Variants in TTC7A observed in about 807,000 individuals in gnomAD.
The protein encoded by TTC7A is tetratricopeptide repeat protein 7A.
TTC7A carries 110 observed loss-of-function variants against 103.7 expected under a neutral mutation model. The observed-to-expected ratio is 1.06, with a 90% CI of 0.91 to 1.24. The LOEUF (loss-of-function observed/expected upper bound fraction) is 1.24. Ranked by LOEUF, TTC7A falls within the 50% of genes most tolerant of loss-of-function variation. The pLI is 0.00. For missense variants in TTC7A, 1,340 were observed against 1,116.3 expected, an observed-to-expected ratio of 1.20 and a Z score of -2.86; for synonymous variants, 521 against 467.9, an observed-to-expected ratio of 1.11 and a Z score of -1.47.
chr2:47,031,530 C>G (rs1344245513), intron 15 of TTC7A, among the ~76,000 whole-genome samples: 1 of 152,190 alleles, frequency 6.6e-6, no homozygotes, highest in African/African-American at 2.4e-5. Context: ...GGAAAGGGCT[C>G]TTTGTCCACC....
chr2:46,953,377 ACTCCTGGGATCAAGCAGTCCTGTCAC>A (rs1423468047), intron 2 of TTC7A, among the ~76,000 whole-genome samples: 1 of 151,808 alleles, frequency 6.6e-6, no homozygotes, highest in Admixed American at 6.6e-5. Flanking sequence ...CTGGTCTTAA[ACTCCTGGGATCAAGCAGTCCTGTCAC>A]CTGTGCCTCC....
At chr2:46,916,154 C>A (rs566906542), upstream of TTC7A, 6 of 985,536 alleles carry the variant, frequency 6.1e-6, no homozygotes, top group African/African-American at 8.7e-5. Context: ...CTCCGCTCAC[C>A]CCCTCCTATA....
chr2:46,935,035 G>A (rs777589231), intron 2 of TTC7A, among the ~76,000 whole-genome samples: 24 of 151,836 alleles, frequency 1.6e-4, no homozygotes, highest in Admixed American at 6.6e-5. Context: ...TCTTGACCTC[G>A]TGATCCACCC....
intron 2 of TTC7A, among the ~76,000 whole-genome samples, chr2:46,925,711 T>C (rs1007987823): frequency 6.6e-6 from 1 of 152,228 alleles, no homozygotes; most frequent in Non-Finnish European, 1.5e-5. Context: ...TGTTTATTTT[T>C]CATTTTTCCC....
At chr2:47,054,100 A>C in intron 18 of TTC7A, 3 of 985,342 alleles carry the variant, frequency 3.0e-6, no homozygotes, top group Non-Finnish European at 3.6e-6. Flanking sequence ...TATTCACTCC[A>C]CAGAAGAGAA....
At chr2:47,068,862 C>CAAAA (rs201835431) in intron 19 of TTC7A, among the ~76,000 whole-genome samples, 145 of 69,528 alleles carry the variant, frequency 2.1e-3, no homozygotes, top group Non-Finnish European at 3.0e-3. Flanking sequence ...TCAATTTTTT[C>CAAAA]AAAAAAAAAA....
intron 11 of TTC7A, among the ~76,000 whole-genome samples, chr2:47,014,726 C>G (rs564465245): frequency 3.0e-4 from 46 of 152,372 alleles, no homozygotes; most frequent in African/African-American, 1.0e-3. Flanking sequence ...GCAGGCCCAG[C>G]CAAGCCCCAT....
At chr2:46,964,322 T>A (rs546880264) in intron 3 of TTC7A, among the ~76,000 whole-genome samples, 8 of 152,080 alleles carry the variant, frequency 5.3e-5, no homozygotes, top group Non-Finnish European at 1.0e-4. Context: ...GGAGGTGCAG[T>A]GTAATCATAC....
chr2:47,022,573 G>T (rs13430717), intron 12 of TTC7A, among the ~76,000 whole-genome samples: 1 of 152,036 alleles, frequency 6.6e-6, no homozygotes. Flanking sequence ...CACCTACTTT[G>T]ATCTTGTAGC....
Position 47,046,272 on chromosome 2 carries a change from G to T in TTC7A, c.1803-43G>T, listed in dbSNP as rs200386745. 18 of 1,509,768 alleles carry T rather than the reference G, an allele frequency of 1.2e-5. No individual in the cohort carries two copies. In the East Asian group the frequency reaches 3.8e-4, roughly 32 times the overall value. 93.5% of individuals were successfully genotyped at this position (1,509,768 alleles called of 1,614,324 possible). The stretch of plus-strand genomic sequence containing the variant: ...GGGCAGGATCCCCAGGTGAAAGTGG[G>T]CCCTTGCTGGGGTGTGCTGATGGCC... On this transcript the variant is annotated intron_variant, in intron 15 of 19. Transcript: ENST00000319190.
upstream of TTC7A, among the ~76,000 whole-genome samples, chr2:46,938,777 G>A (rs1670103451): frequency 2.0e-5 from 3 of 152,274 alleles, no homozygotes; most frequent in South Asian, 6.2e-4. Flanking sequence ...ACTTTGGGAG[G>A]CCAAGGCGGG....
upstream of TTC7A, among the ~76,000 whole-genome samples, chr2:46,939,683 C>T (rs13430346): frequency 0.058 from 8,880 of 152,210 alleles, 319 homozygotes; most frequent in African/African-American, 0.093. Flanking sequence ...ACTCCCTGCC[C>T]CAGGGCTGAC....
intron 19 of TTC7A, among the ~76,000 whole-genome samples, chr2:47,062,218 G>C (rs1430751997): frequency 6.6e-6 from 1 of 152,194 alleles, no homozygotes; most frequent in Non-Finnish European, 1.5e-5. Context: ...ACGTCATGGG[G>C]AGGAGCCAGA....
intron 5 of TTC7A, among the ~76,000 whole-genome samples, chr2:46,990,763 A>G (rs1317305628): frequency 6.6e-6 from 1 of 152,152 alleles, no homozygotes; most frequent in East Asian, 1.9e-4. Flanking sequence ...ACTGTGTCAG[A>G]TTGTCCCTTC....
chr2:47,034,944 C>A (rs369389507), intron 15 of TTC7A, among the ~76,000 whole-genome samples: 1 of 152,210 alleles, frequency 6.6e-6, no homozygotes, highest in African/African-American at 2.4e-5. Context: ...GCCTTCTGCC[C>A]CAGGAAACCT....
chr2:46,941,229 A>AGCAGCTGCAGCGGCGGCGGCGGCG lies in TTC7A; in HGVS notation c.-307_-284dup, dbSNP rs1444327228. On this transcript the variant is annotated 5_prime_UTR_variant, in exon 1 of 20. Transcript: ENST00000319190. This position sits in a 1 kb window ranked among gnomAD's most constrained non-coding sequence, Gnocchi z 4.2. Reference sequence around the variant, plus strand: ...CGGGGCCCGGGGCGGAGGCTGTGGCAGCAGCTGCAGCGGCGGCGGCGGCGG... The same window carrying AGCAGCTGCAGCGGCGGCGGCGGCG: ...CGGGGCCCGGGGCGGAGGCTGTGGCAGCAGCTGCAGCGGCGGCGGCGGCGGCAGCTGCAGCGGCGGCGGCGGCGG... 4 of 148,912 alleles carry AGCAGCTGCAGCGGCGGCGGCGGCG rather than the reference A, an allele frequency of 2.7e-5. No individual in the cohort carries two copies. The highest frequency in any genetic ancestry group is 4.4e-5 in the Non-Finnish European group (3 of 67,490). The allele number at this position is 148,912 out of a possible 1,614,324, so 9.2% of individuals were successfully genotyped here. A position where few individuals can be genotyped will look rare whatever the true frequency, so the allele number is the denominator to read the frequency against.
In TTC7A at chr2:46,978,819, C is replaced by CT. The variant is rs1437128166; in HGVS notation, c.677dup (p.Lys227GlufsTer7). On this transcript the variant is annotated frameshift_variant, in exon 5 of 20. Transcript: ENST00000319190. LOFTEE classifies it high-confidence loss of function. Reference sequence around the variant, plus strand: ...CACAAATAACAGCACGTCGAGGCATCTGAAAGGCTGTCACCCGCTTGACTA... The same window carrying CT: ...CACAAATAACAGCACGTCGAGGCATCTTGAAAGGCTGTCACCCGCTTGACTA... 2 of 1,613,936 alleles carry CT rather than the reference C, an allele frequency of 1.2e-6. No individual in the cohort carries two copies. Among genetic ancestry groups the CT allele is most frequent in the Non-Finnish European group, 8.5e-7 (1 of 1,179,994 alleles).
chr2:47,038,206 C>T (rs1267089113), intron 15 of TTC7A, among the ~76,000 whole-genome samples: 1 of 151,596 alleles, frequency 6.6e-6, no homozygotes, highest in Non-Finnish European at 1.5e-5. Context: ...TTGCAGTGAG[C>T]CGAGATCACG....
Position 46,962,408 on chromosome 2 carries a change from G to A in TTC7A, c.517+5401G>A, listed in dbSNP as rs186708854. 1.6e-4 allele frequency among the ~76,000 whole-genome samples: 25 copies of A among 152,262 alleles called. 1 individual carries two copies. Among genetic ancestry groups the A allele is most frequent in the Admixed American group, 1.2e-3 (19 of 15,296 alleles). ...GGGTCAGTATGTTCCTCCACCGAGCGTCTGACCTCTTGCAGTTGTATCCCC... is the reference window on the plus strand; with the variant it reads ...GGGTCAGTATGTTCCTCCACCGAGCATCTGACCTCTTGCAGTTGTATCCCC... On this transcript the variant is annotated intron_variant, in intron 3 of 19. Transcript: ENST00000319190.
Sources: gnomAD v4.1 joint callset for allele counts (sites outside exome capture counted in the v4.1 genomes callset) on GRCh38, gnomAD v4.1.1 for gene constraint, Gnocchi (gnomAD v3.1) non-coding constraint, MANE v1.5 for transcripts, NCBI Gene and HGNC (gene_info 2026-07-23, HGNC 2026-07-21) for gene names.